Variants in PCDHA3 observed in about 807,000 individuals in gnomAD.
PCDHA3 encodes protocadherin alpha-3.
In PCDHA3, 41 loss-of-function variants were observed where a neutral mutation model predicts 62.2. The ratio of observed to expected loss-of-function variants is 0.66; its 90% CI spans 0.51 to 0.86. The LOEUF (loss-of-function observed/expected upper bound fraction) is 0.86, where lower values mean the gene tolerates loss of function less well. PCDHA3 is among the 40% of genes least tolerant of loss of function. The probability of loss-of-function intolerance (pLI) is 0.00; values close to 1 mark genes in which losing one functional copy is unlikely to be tolerated. For synonymous variants in PCDHA3, 640 were observed against 555.4 expected, an observed-to-expected ratio of 1.15 and a Z score of -2.14; for missense variants, 1,304 against 1,241.2, an observed-to-expected ratio of 1.05 and a Z score of -0.76.
rs2150454845 is a variant in PCDHA3 at position 140,849,865 on chromosome 5, A to C, written c.2394+46274A>C. On this transcript the variant is annotated intron_variant, in intron 1 of 3. Transcript: ENST00000522353. ...AACGACAACGCACCAGCGTTCGCGC[A>C]GTCCGAGTACACGGTGTTCGTGAAG... 1.4e-5 allele frequency: 23 copies of C among 1,598,572 alleles called. 3 individuals carry two copies. The highest frequency in any genetic ancestry group is 1.8e-5 in the Non-Finnish European group (21 of 1,167,972).
At chr5:140,916,399 C>G (rs1421171065) in intron 1 of PCDHA3, among the ~76,000 whole-genome samples, 2 of 152,168 alleles carry the variant, frequency 1.3e-5, no homozygotes, top group African/African-American at 4.8e-5. Context: ...TGTGCTGGAT[C>G]ACACCTGAAG....
At chr5:140,848,251 T>C (rs1419799302) in intron 1 of PCDHA3, 3 of 465,726 alleles carry the variant, frequency 6.4e-6, no homozygotes, top group Non-Finnish European at 1.1e-5. Flanking sequence ...GCAGAATAAC[T>C]GTGAAATTTT....
At chr5:140,828,556 G>A in intron 1 of PCDHA3, 1 of 1,614,252 alleles carries the variant, frequency 6.2e-7, no homozygotes. Context: ...TTCCACTGGA[G>A]GGCGCGTCCG....
chr5:140,814,985 G>C (rs1388432067), intron 1 of PCDHA3: 1 of 151,982 alleles, frequency 6.6e-6, no homozygotes, highest in Admixed American at 6.5e-5. Context: ...AGACTATTTT[G>C]TGTGATGTAG....
intron 1 of PCDHA3, chr5:140,884,140 G>C: frequency 6.2e-7 from 1 of 1,613,412 alleles, no homozygotes; most frequent in Non-Finnish European, 8.5e-7. Context: ...CGTTCCGCGT[G>C]GGGCTGTACA....
chr5:140,846,000 G>GA (rs1346490644), intron 1 of PCDHA3, among the ~76,000 whole-genome samples: 2 of 149,558 alleles, frequency 1.3e-5, no homozygotes, highest in Admixed American at 6.7e-5. Context: ...GTGGTGGAAT[G>GA]AAAAAAATCT....
intron 1 of PCDHA3, chr5:140,841,829 T>A: frequency 1.2e-6 from 2 of 1,613,898 alleles, no homozygotes; most frequent in Non-Finnish European, 1.7e-6. Flanking sequence ...CGTGTTAACC[T>A]ACAGGCTTAG....
intron 1 of PCDHA3, among the ~76,000 whole-genome samples, chr5:140,896,645 A>G (rs988054711): frequency 1.3e-5 from 2 of 151,728 alleles, no homozygotes; most frequent in African/African-American, 4.8e-5. Context: ...CCAAAGTGCT[A>G]GTATTACAGG....
At chr5:140,998,585 A>C (rs1227951754) in intron 3 of PCDHA3, among the ~76,000 whole-genome samples, 1 of 148,644 alleles carries the variant, frequency 6.7e-6, no homozygotes, top group Non-Finnish European at 1.5e-5. Context: ...TTTTTTTGAG[A>C]CAGAGTTTTG....
chr5:140,841,477 G>A (rs2150316212), intron 1 of PCDHA3: 10 of 1,612,988 alleles, frequency 6.2e-6, no homozygotes, highest in African/African-American at 4.0e-5. Flanking sequence ...CGCAGGACCT[G>A]GGGCTGGAGC....
At chr5:140,883,388 G>T (rs2059587175) in intron 1 of PCDHA3, 2 of 1,614,164 alleles carry the variant, frequency 1.2e-6, no homozygotes, top group Non-Finnish European at 1.7e-6. Context: ...CCTAATCAGT[G>T]TGTCCGATCG....
Position 140,855,963 on chromosome 5 carries a change from A to T in PCDHA3, c.2394+52372A>T, listed in dbSNP as rs1291137660. The stretch of plus-strand genomic sequence containing the variant: ...TCTCAGCCATTTCGATAAAAAATAG[A>T]TATAAGAAATAGGACAGAAAATGTC... On this transcript the variant is annotated intron_variant, in intron 1 of 3. Transcript: ENST00000522353. The T allele has an allele frequency of 2.8e-6, 4 of 1,404,280 alleles. No individual in the cohort carries two copies. In the African/African-American group the frequency reaches 5.7e-5, roughly 20 times the overall value. The allele number at this position is 1,404,280 out of a possible 1,614,324, so 87.0% of individuals were successfully genotyped here. A position where few individuals can be genotyped will look rare whatever the true frequency, so the allele number is the denominator to read the frequency against.
At chr5:141,000,361 GTC>G (rs148596731) in intron 3 of PCDHA3, among the ~76,000 whole-genome samples, 577 of 26,370 alleles carry the variant, frequency 0.022, 17 homozygotes, top group Admixed American at 0.027. Context: ...GTCTCTCTCT[GTC>G]TCTCTCTCTC....
At chr5:140,943,070 A>G (rs2093413648) in intron 1 of PCDHA3, among the ~76,000 whole-genome samples, 2 of 152,004 alleles carry the variant, frequency 1.3e-5, no homozygotes, top group Non-Finnish European at 2.9e-5. Context: ...CAGCCTGACC[A>G]ACATGGTGAA....
intron 3 of PCDHA3, among the ~76,000 whole-genome samples, chr5:140,990,571 G>A (rs996259729): frequency 6.6e-6 from 1 of 152,102 alleles, no homozygotes; most frequent in Non-Finnish European, 1.5e-5. Flanking sequence ...ACACCTGTTC[G>A]ATCTCTTTTC....
intron 1 of PCDHA3, among the ~76,000 whole-genome samples, chr5:140,969,721 C>A (rs1399042401): frequency 6.6e-5 from 10 of 152,126 alleles, no homozygotes; most frequent in African/African-American, 2.2e-4. Context: ...GGAAATTTTT[C>A]TTTTGAAATC....
chr5:140,996,553 A>G lies in PCDHA3; in HGVS notation c.2543-13074A>G, dbSNP rs868960335. 1.1e-4 allele frequency among the ~76,000 whole-genome samples: 16 copies of G among 152,172 alleles called. No individual in the cohort carries two copies. In the South Asian group the frequency reaches 2.7e-3, roughly 26 times the overall value. On this transcript the variant is annotated intron_variant, in intron 3 of 3. Transcript: ENST00000522353. The stretch of plus-strand genomic sequence containing the variant: ...TGTGTTTTGATATTATGCTGTCACT[A>G]TCTTGAAGTTCTTGATAATTTGTTA...
rs781950915 is a variant in PCDHA3 at position 140,855,998 on chromosome 5, G to A, written c.2394+52407G>A. On this transcript the variant is annotated intron_variant, in intron 1 of 3. Coordinates refer to ENST00000522353, the MANE Select transcript of PCDHA3 (RefSeq NM_018906.3). ...TAGGACAGAAAATGTCAGATCGTAT[G>A]TGCGTTCTAGACCGCTGATTCGTCG... 3.7e-5 allele frequency: 56 copies of A among 1,511,288 alleles called. 3 individuals are homozygous for A. Among genetic ancestry groups the A allele is most frequent in the Non-Finnish European group, 4.9e-5 (55 of 1,120,558 alleles). 93.6% of individuals were successfully genotyped at this position (1,511,288 alleles called of 1,614,324 possible). A position where few individuals can be genotyped will look rare whatever the true frequency, so the allele number is the denominator to read the frequency against.
At position 140,938,754 on chromosome 5, in the gene PCDHA3, A is replaced by G. The variant is rs79400957; in HGVS notation, c.2395-40195A>G. Among the ~76,000 whole-genome samples the G allele has an allele frequency of 2.9e-3, 442 of 152,274 alleles. 1 individual carries two copies. Among genetic ancestry groups the G allele is most frequent in the African/African-American group, 0.01 (423 of 41,554 alleles). The stretch of plus-strand genomic sequence containing the variant: ...AAAAAATAATTATTTTTAAAGGCAT[A>G]GTTATTGGGTACTAGACTTAGTACC... On this transcript the variant is annotated intron_variant, in intron 1 of 3. Transcript: ENST00000522353.
Sources: allele counts gnomAD v4.1 joint callset (sites outside exome capture counted in the v4.1 genomes callset), GRCh38; gene constraint gnomAD v4.1.1; transcripts MANE v1.5; gene names NCBI Gene and HGNC (gene_info 2026-07-23, HGNC 2026-07-21).